The following BLOC1S6 variants were observed in gnomAD, a reference collection of about 807,000 sequenced individuals.
BLOC1S6 encodes biogenesis of lysosome-related organelles complex 1 subunit 6.
In BLOC1S6, 24 loss-of-function variants were observed where a neutral mutation model predicts 24.7. That is an observed-to-expected ratio of 0.97 (90% CI 0.70 to 1.37). BLOC1S6 has a LOEUF of 1.37. Among genes scored for constraint, BLOC1S6 ranks in the 40% most tolerant of loss-of-function variants. BLOC1S6 has a pLI of 0.00. For synonymous variants in BLOC1S6, 76 were observed against 72.6 expected, an observed-to-expected ratio of 1.05 and a Z score of -0.23; for missense variants, 175 against 196.2, an observed-to-expected ratio of 0.89 and a Z score of 0.64.
At chr15:45,606,269 A>G in intron 4 of BLOC1S6, 126 bp from the exon 5 acceptor site, 1 of 1,339,100 alleles carries the variant, frequency 7.5e-7, no homozygotes, top group African/African-American at 1.5e-5. Flanking sequence ...CCAAATTTAA[A>G]TGTCCAAGAT....
chr15:45,606,410 C>T lies in BLOC1S6; in HGVS notation c.415C>T (p.Leu139=), dbSNP rs142404063. The T allele has an allele frequency of 1.2e-6, 2 of 1,613,678 alleles. No individual in the cohort carries two copies. Among genetic ancestry groups the T allele is most frequent in the African/African-American group, 2.7e-5 (2 of 74,832 alleles). ...TTTAACACAGAAAAGAGCACTTAAA[C>T]TGCAGCAGAAGAGGCAAAAAGAAGA... The part of the protein sequence containing the change: ...TSKLKKRALK[L]QQKRQKEELE... The change falls in exon 5 of 5, where the codon CTG becomes TTG. Residue 139 remains leucine (L), a synonymous_variant. Transcript: ENST00000220531.
intron 2 of BLOC1S6, among the ~76,000 whole-genome samples, chr15:45,596,841 A>G (rs1260216589): frequency 6.6e-6 from 1 of 151,654 alleles, no homozygotes; most frequent in East Asian, 2.0e-4. Flanking sequence ...ACACCCAGCT[A>G]ATTTTTGTAT....
intron 2 of BLOC1S6, among the ~76,000 whole-genome samples, chr15:45,594,926 G>A (rs892461116): frequency 6.6e-6 from 1 of 152,046 alleles, no homozygotes; most frequent in African/African-American, 2.4e-5. Flanking sequence ...AGACTTATGG[G>A]TCAGGAAAGC....
intron 2 of BLOC1S6, 21 bp from the exon 3 acceptor site, chr15:45,603,079 G>T (rs1225206499): frequency 6.5e-7 from 1 of 1,528,496 alleles, no homozygotes; most frequent in Admixed American, 1.7e-5. Flanking sequence ...AGTTTGTCTT[G>T]GCTGTGTGTT....
At chr15:45,588,509 C>G (rs1031848216) in intron 1 of BLOC1S6, among the ~76,000 whole-genome samples, 8 of 152,186 alleles carry the variant, frequency 5.3e-5, no homozygotes, top group Non-Finnish European at 1.0e-4. Context: ...TCTCCTTCCA[C>G]CTCTAGGGGA....
intron 2 of BLOC1S6, chr15:45,602,276 C>G (rs942575592): frequency 3.3e-6 from 2 of 612,306 alleles, no homozygotes; most frequent in African/African-American, 3.7e-5. Flanking sequence ...TGAGCCTGTT[C>G]GTTGTTATTT....
chr15:45,590,173 T>TTCTCTC (rs564536818), intron 1 of BLOC1S6, among the ~76,000 whole-genome samples: 1 of 149,998 alleles, frequency 6.7e-6, no homozygotes, highest in African/African-American at 2.4e-5. Flanking sequence ...TGCTTCACTT[T>TTCTCTC]TCTCTCTCTC....
chr15:45,599,926 C>A (rs1484292779), intron 2 of BLOC1S6, among the ~76,000 whole-genome samples: 1 of 147,380 alleles, frequency 6.8e-6, no homozygotes, highest in Non-Finnish European at 1.5e-5. Context: ...GACTTGGAAC[C>A]AACCCAAATG....
At chr15:45,597,017 T>G (rs1216752578) in intron 2 of BLOC1S6, among the ~76,000 whole-genome samples, 1 of 152,196 alleles carries the variant, frequency 6.6e-6, no homozygotes, top group Admixed American at 6.5e-5. Flanking sequence ...TTGGGTACTG[T>G]GAGTCTTCCA....
chr15:45,591,187 A>G (rs1893871284), intron 1 of BLOC1S6, among the ~76,000 whole-genome samples: 1 of 152,182 alleles, frequency 6.6e-6, no homozygotes, highest in African/African-American at 2.4e-5. Context: ...AAATTCTTAG[A>G]AAATCCCTCT....
In BLOC1S6 at chr15:45,608,844, G is replaced by C. The variant is rs531957344; in HGVS notation, c.*2330G>C. On this transcript the variant is annotated 3_prime_UTR_variant, in exon 5 of 5. Coordinates refer to ENST00000220531, the MANE Select transcript of BLOC1S6 (RefSeq NM_012388.4). ...CTTTAAAAGCTACCCAGTAACTCTTGGGATTAATTTTATGAAATAAATTCT... is the reference window on the plus strand; with the variant it reads ...CTTTAAAAGCTACCCAGTAACTCTTCGGATTAATTTTATGAAATAAATTCT... 6.6e-6 allele frequency: 1 copy of C among 152,144 alleles called. No homozygotes were observed. The highest frequency in any genetic ancestry group is 2.1e-4 in the South Asian group (1 of 4,810). 9.4% of individuals were successfully genotyped at this position (152,144 alleles called of 1,614,324 possible). A position where few individuals can be genotyped will look rare whatever the true frequency, so the allele number is the denominator to read the frequency against.
chr15:45,604,667 G>C (rs1373511483), intron 3 of BLOC1S6, among the ~76,000 whole-genome samples: 2 of 152,302 alleles, frequency 1.3e-5, no homozygotes, highest in East Asian at 3.9e-4. Context: ...GAGCTAATCA[G>C]ACAATGACTT....
rs1894429909 is a variant in BLOC1S6, at chr15:45,605,710, T to A, written c.399+196T>A. On this transcript the variant is annotated intron_variant, in intron 4 of 4. Transcript: ENST00000220531. ...GTTGAAGCGATTCTTCTGCCTCAGC[T>A]CCCCAGGTAGCTGGGATTACAGGTG... The A allele has an allele frequency of 8.2e-6, 4 of 486,074 alleles. No homozygotes were observed. In the South Asian group the frequency reaches 8.5e-5, roughly 10 times the overall value. The allele number at this position is 486,074 out of a possible 1,614,324, so 30.1% of individuals were successfully genotyped here. A position where few individuals can be genotyped will look rare whatever the true frequency, so the allele number is the denominator to read the frequency against.
chr15:45,599,447 C>T lies in BLOC1S6; in HGVS notation c.225-3653C>T, dbSNP rs1387987862. The T allele has an allele frequency of 1.5e-5, 2 of 132,266 alleles. 1 individual carries two copies. The highest frequency in any genetic ancestry group is 7.4e-5 in the African/African-American group (2 of 27,072). 8.2% of individuals were successfully genotyped at this position (132,266 alleles called of 1,614,324 possible). A position where few individuals can be genotyped will look rare whatever the true frequency, so the allele number is the denominator to read the frequency against. On this transcript the variant is annotated intron_variant, in intron 2 of 4. Transcript: ENST00000220531. ...CGCAACCTACTCATCTGACAAAGGG[C>T]TAATACCCAGAATCTACAATGAACT...
At position 45,592,328 on chromosome 15, in the gene BLOC1S6, C is replaced by T. The variant is rs719018; in HGVS notation, c.224+52C>T. On this transcript the variant is annotated intron_variant, in intron 2 of 4. Transcript: ENST00000220531. ...ACTCATTTCCTCTGTGGCATAGTCA[C>T]AATTTGTATAATTGTATACTGTGTT... The T allele has an allele frequency of 0.018, 28,293 of 1,592,034 alleles. 4,457 individuals carry two copies. In the African/African-American group the frequency reaches 0.34, roughly 19 times the overall value.
At chr15:45,598,043 C>G (rs1396863275) in intron 2 of BLOC1S6, 1 of 168,588 alleles carries the variant, frequency 5.9e-6, no homozygotes, top group African/African-American at 2.4e-5. Context: ...ATACGCAAAT[C>G]AATAAATGTA....
intron 2 of BLOC1S6, chr15:45,602,421 G>C (rs780062202): frequency 5.7e-5 from 36 of 627,056 alleles, no homozygotes; most frequent in Non-Finnish European, 1.0e-4. Context: ...TCCTAACATT[G>C]ATTGATGTGT....
upstream of BLOC1S6, chr15:45,587,135 A>G (rs1256237744): frequency 6.6e-6 from 3 of 452,720 alleles, no homozygotes; most frequent in East Asian, 4.3e-5. Flanking sequence ...CCACCCCGTG[A>G]GCAGCCCAAA....
intron 1 of BLOC1S6, chr15:45,591,850 TA>T (rs1566899392): frequency 2.6e-6 from 1 of 379,678 alleles, no homozygotes; most frequent in East Asian, 5.4e-5. Flanking sequence ...AGCTCAGAGG[TA>T]AAAGTTTAAA....
Sources: allele counts gnomAD v4.1 joint callset (sites outside exome capture counted in the v4.1 genomes callset), GRCh38; gene constraint gnomAD v4.1.1; transcripts MANE v1.5; gene names NCBI Gene and HGNC (gene_info 2026-07-23, HGNC 2026-07-21).